The following UBXN2A variants were observed in gnomAD, a reference collection of about 807,000 sequenced individuals.
UBXN2A encodes UBX domain-containing protein 2A.
A neutral mutation model predicts 28.4 loss-of-function variants in UBXN2A; 28 were observed. The ratio of observed to expected loss-of-function variants is 0.99; its 90% CI spans 0.73 to 1.35. UBXN2A has a LOEUF of 1.35. Ranked by LOEUF, UBXN2A falls within the 40% of genes most tolerant of loss-of-function variation. The probability of loss-of-function intolerance (pLI) is 0.00; values close to 1 mark genes in which losing one functional copy is unlikely to be tolerated. For missense variants in UBXN2A, 253 were observed against 297.9 expected, an observed-to-expected ratio of 0.85 and a Z score of 1.11; for synonymous variants, 97 against 103.6, an observed-to-expected ratio of 0.94 and a Z score of 0.39.
chr2:23,950,656 G>A (rs1018099568), intron 1 of UBXN2A, among the ~76,000 whole-genome samples: 16 of 151,874 alleles, frequency 1.1e-4, no homozygotes, highest in African/African-American at 2.7e-4. Flanking sequence ...CGCCCACCTC[G>A]GTCTTCCAGT....
At chr2:23,987,175 A>T (rs1373035323) in intron 6 of UBXN2A, among the ~76,000 whole-genome samples, 8 of 151,400 alleles carry the variant, frequency 5.3e-5, no homozygotes, top group Non-Finnish European at 1.2e-4. Flanking sequence ...TTCTTTTTTT[A>T]AAAAAATTTT....
At position 23,982,886 on chromosome 2, in the gene UBXN2A, G is replaced by C. The variant is rs375107936; in HGVS notation, c.288-10G>C. Reference sequence around the variant, plus strand: ...GGGAGCTTTATCATTTTCTTTCTTTGTTTTCCAAGGGAATTACCTTCAGAA... The same window carrying C: ...GGGAGCTTTATCATTTTCTTTCTTTCTTTTCCAAGGGAATTACCTTCAGAA... On this transcript the variant is annotated splice_polypyrimidine_tract_variant and intron_variant, in intron 4 of 6. Transcript: ENST00000309033. 1.3e-6 allele frequency: 2 copies of C among 1,581,368 alleles called. No individual in the cohort carries two copies. Among genetic ancestry groups the C allele is most frequent in the African/African-American group, 1.4e-5 (1 of 73,306 alleles).
chr2:23,927,998 A>C (rs893703656), intron 1 of UBXN2A, among the ~76,000 whole-genome samples: 2 of 152,058 alleles, frequency 1.3e-5, no homozygotes, highest in Admixed American at 1.3e-4. Flanking sequence ...CAACATGGTG[A>C]AACCCTGTCT....
At chr2:23,955,311 A>G (rs570566447) in intron 1 of UBXN2A, among the ~76,000 whole-genome samples, 2 of 152,118 alleles carry the variant, frequency 1.3e-5, no homozygotes, top group South Asian at 4.2e-4. Flanking sequence ...ACTATTTTCT[A>G]GAGTTCTGAC....
intron 1 of UBXN2A, among the ~76,000 whole-genome samples, chr2:23,934,679 A>G (rs913015796): frequency 1.3e-5 from 2 of 152,238 alleles, no homozygotes; most frequent in Non-Finnish European, 2.9e-5. Flanking sequence ...CAGTCTGTAC[A>G]CTTATAACTA....
chr2:23,947,033 G>A (rs1043908650), intron 1 of UBXN2A, among the ~76,000 whole-genome samples: 3 of 151,822 alleles, frequency 2.0e-5, no homozygotes, highest in Non-Finnish European at 2.9e-5. Flanking sequence ...GACTACAGAC[G>A]TTTGCCATGA....
chr2:23,982,131 G>A (rs927968950), intron 4 of UBXN2A, among the ~76,000 whole-genome samples: 19 of 149,562 alleles, frequency 1.3e-4, no homozygotes, highest in African/African-American at 4.7e-4. Flanking sequence ...AGGCTGAGGC[G>A]GGCAGAACAC....
intron 2 of UBXN2A, among the ~76,000 whole-genome samples, chr2:23,966,021 A>G (rs138374121): frequency 2.0e-5 from 3 of 151,710 alleles, no homozygotes; most frequent in African/African-American, 2.4e-5. Context: ...TGCCTTTGCT[A>G]CTCTTTTTTC....
chr2:23,951,958 G>GT (rs1041732626), intron 1 of UBXN2A, among the ~76,000 whole-genome samples: 1 of 145,956 alleles, frequency 6.9e-6, no homozygotes, highest in African/African-American at 2.5e-5. Flanking sequence ...ATTTCCTGAA[G>GT]TTTTTTTCCT....
At chr2:23,950,389 T>G (rs1334194216) in intron 1 of UBXN2A, among the ~76,000 whole-genome samples, 1 of 152,058 alleles carries the variant, frequency 6.6e-6, no homozygotes, top group Admixed American at 6.6e-5. Context: ...TATTTTATTT[T>G]ATTTTTATTT....
intron 2 of UBXN2A, among the ~76,000 whole-genome samples, chr2:23,964,904 G>C (rs977200852): frequency 6.6e-6 from 1 of 152,140 alleles, no homozygotes; most frequent in Non-Finnish European, 1.5e-5. Flanking sequence ...AGCACTGTGG[G>C]AGGCCAAAGC....
At chr2:23,937,856 C>T (rs1276807370), upstream of UBXN2A, among the ~76,000 whole-genome samples, 2 of 152,130 alleles carry the variant, frequency 1.3e-5, no homozygotes, top group Non-Finnish European at 2.9e-5. Flanking sequence ...TATACTTACA[C>T]AAACCTGGAT....
chr2:23,957,600 C>T (rs1706689297), intron 1 of UBXN2A, among the ~76,000 whole-genome samples: 2 of 151,622 alleles, frequency 1.3e-5, no homozygotes, highest in Admixed American at 6.6e-5. Context: ...TTTGAGAGGC[C>T]GAGGCAGGTG....
At chr2:23,961,539 C>CTTTTTTTTT (rs71395167) in intron 2 of UBXN2A, among the ~76,000 whole-genome samples, 2 of 51,272 alleles carry the variant, frequency 3.9e-5, no homozygotes, top group African/African-American at 7.4e-5. Context: ...AGAAAACTGC[C>CTTTTTTTTT]TTTTTTTTTT....
At chr2:23,995,462 C>T (rs150361252) in intron 6 of UBXN2A, among the ~76,000 whole-genome samples, 135 of 152,040 alleles carry the variant, frequency 8.9e-4, no homozygotes, top group African/African-American at 3.1e-3. Flanking sequence ...GAGGCTGAGG[C>T]GGGCGGATCA....
intron 1 of UBXN2A, among the ~76,000 whole-genome samples, chr2:23,951,142 C>T (rs1706341667): frequency 6.6e-6 from 1 of 151,902 alleles, no homozygotes; most frequent in African/African-American, 2.4e-5. Flanking sequence ...AAAACCCATT[C>T]CTTCTGCTAT....
rs151204532 is a variant in UBXN2A at position 23,930,179 on chromosome 2, C to T, written c.-138+2564C>T. On this transcript the variant is annotated intron_variant, in intron 1 of 7. Coordinates refer to the UBXN2A transcript ENST00000404924. ...CTGGGATTACAGGTGTGAGCCACTG[C>T]GCCTGGAGGTAACAAATGTTAATTT... Among the ~76,000 whole-genome samples, 59 of 152,270 alleles carry T rather than the reference C, an allele frequency of 3.9e-4. No homozygotes were observed. The East Asian group carries it at 0.011, about 27-fold the overall frequency.
chr2:23,957,689 C>T (rs965404949), intron 1 of UBXN2A, among the ~76,000 whole-genome samples: 2 of 152,058 alleles, frequency 1.3e-5, no homozygotes. Flanking sequence ...AAAAAATTAG[C>T]CGGGTGTGGT....
Position 24,004,750 on chromosome 2 carries a change from T to C in UBXN2A, c.*4883T>C, listed in dbSNP as rs992272691. On this transcript the variant is annotated 3_prime_UTR_variant, in exon 7 of 7. Coordinates refer to ENST00000309033, the MANE Select transcript of UBXN2A (RefSeq NM_181713.4). Reference sequence around the variant, plus strand: ...TTTTCAGTTTAAAAAATAATCTTATTTTATATACTTCTCTCGGTATAATTT... The same window carrying C: ...TTTTCAGTTTAAAAAATAATCTTATCTTATATACTTCTCTCGGTATAATTT... 9.3e-5 allele frequency: 14 copies of C among 150,904 alleles called. No individual in the cohort carries two copies. Among genetic ancestry groups the C allele is most frequent in the African/African-American group, 3.4e-4 (14 of 41,516 alleles). The allele number at this position is 150,904 out of a possible 1,614,324, so 9.3% of individuals were successfully genotyped here. A position where few individuals can be genotyped will look rare whatever the true frequency, so the allele number is the denominator to read the frequency against.
Sources: allele counts gnomAD v4.1 joint callset (sites outside exome capture counted in the v4.1 genomes callset), GRCh38; gene constraint gnomAD v4.1.1; transcripts MANE v1.5; gene names NCBI Gene and HGNC (gene_info 2026-07-23, HGNC 2026-07-21).